The following PALM2AKAP2 variants were observed in gnomAD, a reference collection of about 807,000 sequenced individuals.
The protein encoded by PALM2AKAP2 is PALM2 and AKAP2 fusion, also known as PALM2-AKAP2 fusion protein.
PALM2AKAP2 carries 37 observed loss-of-function variants against 71.5 expected under a neutral mutation model. The ratio of observed to expected loss-of-function variants is 0.52; its 90% CI spans 0.40 to 0.68. The LOEUF is 0.68. PALM2AKAP2 is among the 30% of genes least tolerant of loss of function. The probability of loss-of-function intolerance (pLI) is 0.00; values close to 1 mark genes in which losing one functional copy is unlikely to be tolerated. For synonymous variants in PALM2AKAP2, 468 were observed against 478.8 expected, an observed-to-expected ratio of 0.98 and a Z score of 0.29; for missense variants, 1,224 against 1,191.8, an observed-to-expected ratio of 1.03 and a Z score of -0.40.
intron 1 of PALM2AKAP2, among the ~76,000 whole-genome samples, chr9:110,074,469 A>T (rs1475130937): frequency 1.3e-5 from 2 of 152,158 alleles, no homozygotes; most frequent in Admixed American, 1.3e-4. Flanking sequence ...TGAAATTTGC[A>T]TGAGGTCTAT....
At chr9:110,070,783 G>T (rs558908564) in intron 1 of PALM2AKAP2, among the ~76,000 whole-genome samples, 1 of 152,222 alleles carries the variant, frequency 6.6e-6, no homozygotes, top group Admixed American at 6.5e-5. Flanking sequence ...ATGTCTTCAT[G>T]ACCTTTGGCG....
chr9:109,925,025 G>T, intron 4 of PALM2AKAP2, 36 bp from the exon 5 acceptor site: 1 of 1,614,028 alleles, frequency 6.2e-7, no homozygotes, highest in Non-Finnish European at 8.5e-7. Context: ...ACCCCCACAT[G>T]TAGAGTAACG....
At chr9:109,759,282 G>A (rs1407470499) in intron 1 of PALM2AKAP2, among the ~76,000 whole-genome samples, 1 of 151,990 alleles carries the variant, frequency 6.6e-6, no homozygotes, top group Non-Finnish European at 1.5e-5. Flanking sequence ...ACTTAGATGT[G>A]ATGTATCCTC....
intron 2 of PALM2AKAP2, among the ~76,000 whole-genome samples, chr9:110,142,774 A>C (rs1301927203): frequency 2.6e-5 from 4 of 152,240 alleles, no homozygotes; most frequent in Non-Finnish European, 5.9e-5. Context: ...AAGAGATTTA[A>C]AACAAAACAG....
At chr9:109,957,316 A>G (rs1361418123) in intron 6 of PALM2AKAP2, among the ~76,000 whole-genome samples, 1 of 152,152 alleles carries the variant, frequency 6.6e-6, no homozygotes, top group Non-Finnish European at 1.5e-5. Flanking sequence ...GCACATGGGG[A>G]GACTGATGGA....
At chr9:109,853,720 T>A (rs1829081119) in intron 1 of PALM2AKAP2, among the ~76,000 whole-genome samples, 1 of 152,228 alleles carries the variant, frequency 6.6e-6, no homozygotes. Context: ...GACTGCCAAA[T>A]TATCCTCTAG....
intron 1 of PALM2AKAP2, among the ~76,000 whole-genome samples, chr9:109,764,364 A>G (rs1829111575): frequency 6.6e-6 from 1 of 151,424 alleles, no homozygotes; most frequent in South Asian, 2.1e-4. Context: ...AACTCTAAAC[A>G]CACTGCGCTC....
intron 1 of PALM2AKAP2, among the ~76,000 whole-genome samples, chr9:109,647,041 AG>A (rs1827165267): frequency 6.6e-6 from 1 of 152,228 alleles, no homozygotes; most frequent in South Asian, 2.1e-4. Flanking sequence ...CAGTTCCTAG[AG>A]GTGATTACCA....
chr9:109,983,397 T>TCTTCTTTTTCGTCTC (rs1285377394), intron 6 of PALM2AKAP2, among the ~76,000 whole-genome samples: 2 of 152,198 alleles, frequency 1.3e-5, no homozygotes, highest in African/African-American at 4.8e-5. Context: ...ATGCTCTCTC[T>TCTTCTTTTTCGTCTC]CTTCTTTTTC....
rs913519804 is a variant in PALM2AKAP2 at position 109,896,363 on chromosome 9, A to C, written c.257+15682A>C. 2.0e-5 allele frequency among the ~76,000 whole-genome samples: 3 copies of C among 151,870 alleles called. No homozygotes were observed. The East Asian group carries it at 5.8e-4, about 29-fold the overall frequency. The stretch of plus-strand genomic sequence containing the variant: ...ATGAGATTTGGATGGGGACACAACG[A>C]AACCATATCAAATATTAATAGAGTC... On this transcript the variant is annotated intron_variant, in intron 3 of 9. Transcript: ENST00000302798.
chr9:110,033,524 C>G (rs938994435), intron 7 of PALM2AKAP2, among the ~76,000 whole-genome samples: 20 of 152,164 alleles, frequency 1.3e-4, no homozygotes, highest in African/African-American at 4.8e-4. Context: ...GAGATAGGTA[C>G]CATTTTTTGT....
intron 1 of PALM2AKAP2, among the ~76,000 whole-genome samples, chr9:110,103,147 G>A (rs1835039850): frequency 6.6e-6 from 1 of 152,088 alleles, no homozygotes; most frequent in Admixed American, 6.5e-5. Flanking sequence ...CCTATTGTAG[G>A]CACTCTCAGA....
chr9:109,822,473 C>A (rs1163070523), intron 1 of PALM2AKAP2, among the ~76,000 whole-genome samples: 3 of 152,118 alleles, frequency 2.0e-5, no homozygotes, highest in Non-Finnish European at 4.4e-5. Context: ...TACTTTGTCA[C>A]CCAGGTAATA....
rs1828495284 is a variant in PALM2AKAP2, at chr9:109,727,624, C to T, written c.6-52864C>T. On this transcript the variant is annotated intron_variant, in intron 1 of 6. Transcript: ENST00000374531. ...TTTTTCAGGATTTGATGGGCACTAG[C>T]CCATTTTACTAGAGGCAAAATGAAT... 2.6e-5 allele frequency among the ~76,000 whole-genome samples: 4 copies of T among 152,248 alleles called. No individual in the cohort carries two copies. In the South Asian group the frequency reaches 8.3e-4, roughly 32 times the overall value.
intron 1 of PALM2AKAP2, among the ~76,000 whole-genome samples, chr9:109,851,802 A>G (rs1024207191): frequency 6.6e-6 from 1 of 152,202 alleles, no homozygotes; most frequent in African/African-American, 2.4e-5. Context: ...AAACCCCCAA[A>G]GCAGTCAGTC....
At chr9:109,949,702 T>G (rs373200845) in intron 6 of PALM2AKAP2, among the ~76,000 whole-genome samples, 1 of 152,170 alleles carries the variant, frequency 6.6e-6, no homozygotes, top group Non-Finnish European at 1.5e-5. Context: ...GTTGGAAGAT[T>G]GAGCTTTCTA....
chr9:110,113,363 CG>C (rs1335107088), intron 1 of PALM2AKAP2, among the ~76,000 whole-genome samples: 3 of 151,526 alleles, frequency 2.0e-5, no homozygotes, highest in Admixed American at 6.6e-5. Context: ...TTCAGCCTCC[CG>C]GGTAGCTGGA....
chr9:110,119,176 C>G (rs569621263), intron 1 of PALM2AKAP2, among the ~76,000 whole-genome samples: 19 of 151,966 alleles, frequency 1.3e-4, no homozygotes, highest in Non-Finnish European at 2.6e-4. Flanking sequence ...AAATCCGTCT[C>G]TACTAAAAAT....
chr9:109,860,833 A>G (rs1218504677), intron 1 of PALM2AKAP2, among the ~76,000 whole-genome samples: 1 of 152,058 alleles, frequency 6.6e-6, no homozygotes, highest in East Asian at 1.9e-4. Flanking sequence ...CTGATTCTTC[A>G]TTTCAAAAGC....
Sources: gnomAD v4.1 joint callset for allele counts (sites outside exome capture counted in the v4.1 genomes callset) on GRCh38, gnomAD v4.1.1 for gene constraint, MANE v1.5 for transcripts, NCBI Gene and HGNC (gene_info 2026-07-23, HGNC 2026-07-21) for gene names.